The following NBAS variants were observed in gnomAD, a reference collection of about 807,000 sequenced individuals.
The protein encoded by NBAS is NAG/BC035112 fusion.
Under a neutral mutation model 302.5 loss-of-function variants are expected in NBAS, and 219 were observed. The ratio of observed to expected loss-of-function variants is 0.72; its 90% CI spans 0.65 to 0.81. NBAS has a LOEUF of 0.81. Ranked by LOEUF, NBAS falls within the 30% of genes least tolerant of loss-of-function variation. The pLI, the probability that NBAS is intolerant of heterozygous loss-of-function variation, is 0.00. For missense variants in NBAS, 2,932 were observed against 2,841.6 expected, an observed-to-expected ratio of 1.03 and a Z score of -0.72; for synonymous variants, 1,118 against 1,021.6, an observed-to-expected ratio of 1.09 and a Z score of -1.80.
chr2:14,819,252 T>C, the NBAS span, among the ~76,000 whole-genome samples: 4 of 152,212 alleles, frequency 2.6e-5, no homozygotes, highest in African/African-American at 9.6e-5. Context: ...CTTTTGTAGG[T>C]AGATCCCATG....
the NBAS span, among the ~76,000 whole-genome samples, chr2:14,934,177 C>T: frequency 6.6e-6 from 1 of 152,016 alleles, no homozygotes; most frequent in South Asian, 2.1e-4. Flanking sequence ...AATGTAAAGT[C>T]CACCCCATTT....
chr2:15,492,996 T>A (rs1023237232), intron 11 of NBAS, among the ~76,000 whole-genome samples: 2 of 152,208 alleles, frequency 1.3e-5, no homozygotes, highest in Non-Finnish European at 2.9e-5. Context: ...AATCCCCATG[T>A]GTCAGGGGAG....
intron 51 of NBAS, among the ~76,000 whole-genome samples, chr2:15,176,865 T>C (rs1664566176): frequency 6.6e-6 from 1 of 152,202 alleles, no homozygotes; most frequent in African/African-American, 2.4e-5. Flanking sequence ...CTATATCATT[T>C]CTTACAACTG....
At chr2:15,440,391 G>T (rs777670591) in intron 21 of NBAS, among the ~76,000 whole-genome samples, 2 of 152,174 alleles carry the variant, frequency 1.3e-5, no homozygotes, top group Non-Finnish European at 1.5e-5. Flanking sequence ...TGATACCCAG[G>T]CAAACAGGGT....
At chr2:15,536,700 G>A (rs1663536830) in intron 7 of NBAS, 149 bp from the exon 8 acceptor site, 1 of 790,796 alleles carries the variant, frequency 1.3e-6, no homozygotes, top group Non-Finnish European at 2.0e-6. Context: ...CAAGAATCAT[G>A]CAAGTCAGAA....
intron 27 of NBAS, among the ~76,000 whole-genome samples, chr2:15,396,144 A>G (rs1675853808): frequency 6.6e-6 from 1 of 152,174 alleles, no homozygotes; most frequent in Admixed American, 6.5e-5. Context: ...TATTATACAT[A>G]AGAAAACCCT....
At chr2:15,046,534 G>T in the NBAS span, among the ~76,000 whole-genome samples, 2 of 152,266 alleles carry the variant, frequency 1.3e-5, no homozygotes, top group African/African-American at 4.8e-5. Context: ...AAGAAGGACA[G>T]AAAACTCCCT....
intron 36 of NBAS, among the ~76,000 whole-genome samples, chr2:15,329,052 C>A (rs1472199410): frequency 6.6e-6 from 1 of 152,164 alleles, no homozygotes; most frequent in Non-Finnish European, 1.5e-5. Context: ...TTGTTACCAG[C>A]ACTGCAGAGT....
chr2:14,977,292 G>GAAA, the NBAS span, among the ~76,000 whole-genome samples: 1,490 of 152,076 alleles, frequency 9.8e-3, 38 homozygotes, highest in East Asian at 0.097. Flanking sequence ...AGAATTTAAA[G>GAAA]AAAAAGAAAC....
intron 31 of NBAS, 141 bp from the exon 32 acceptor site, chr2:15,366,834 C>T (rs1674233622): frequency 1.3e-6 from 1 of 743,620 alleles, no homozygotes; most frequent in African/African-American, 1.8e-5. Context: ...AAGTAAAAGG[C>T]ACGTTTAACA....
chr2:15,039,262 G>A, the NBAS span, among the ~76,000 whole-genome samples: 2 of 152,120 alleles, frequency 1.3e-5, no homozygotes, highest in Admixed American at 6.6e-5. Flanking sequence ...GCGTTGCTGC[G>A]GTTGCACACT....
intron 44 of NBAS, among the ~76,000 whole-genome samples, chr2:15,272,584 G>GA (rs1180150149): frequency 6.6e-6 from 1 of 152,124 alleles, no homozygotes; most frequent in Non-Finnish European, 1.5e-5. Context: ...ATTAATATGA[G>GA]AAAAAATGTT....
At chr2:15,239,703 C>CATAT (rs10666715) in intron 44 of NBAS, among the ~76,000 whole-genome samples, 13 of 151,030 alleles carry the variant, frequency 8.6e-5, no homozygotes, top group Admixed American at 4.0e-4. Context: ...TATGCATATA[C>CATAT]ATATATATAT....
At chr2:15,143,662 A>AT in the NBAS span, among the ~76,000 whole-genome samples, 1 of 152,084 alleles carries the variant, frequency 6.6e-6, no homozygotes, top group Admixed American at 6.5e-5. Context: ...ATGGTTAATA[A>AT]TGAGTGTCAA....
At chr2:15,226,990 A>C (rs983191859) in intron 47 of NBAS, among the ~76,000 whole-genome samples, 2 of 152,180 alleles carry the variant, frequency 1.3e-5, no homozygotes, top group African/African-American at 4.8e-5. Flanking sequence ...GTCTTGTTCC[A>C]AACCTTGGAG....
the NBAS span, among the ~76,000 whole-genome samples, chr2:15,110,637 C>A: frequency 6.6e-6 from 1 of 152,042 alleles, no homozygotes; most frequent in African/African-American, 2.4e-5. Flanking sequence ...AGAGGATATC[C>A]CTCTCATGCA....
intron 44 of NBAS, among the ~76,000 whole-genome samples, chr2:15,253,443 T>C (rs1393192880): frequency 1.3e-5 from 2 of 152,136 alleles, no homozygotes; most frequent in East Asian, 3.8e-4. Flanking sequence ...CAAAGGGTGC[T>C]GGGGCCACTG....
chr2:15,508,859 C>T (rs1327150361), intron 10 of NBAS, among the ~76,000 whole-genome samples: 5 of 151,962 alleles, frequency 3.3e-5, no homozygotes, highest in African/African-American at 1.2e-4. Flanking sequence ...AAAAATTAGC[C>T]GGGCATGATG....
intron 44 of NBAS, among the ~76,000 whole-genome samples, chr2:15,273,899 C>A (rs1297906820): frequency 2.0e-5 from 3 of 151,386 alleles, no homozygotes; most frequent in Non-Finnish European, 2.9e-5. Flanking sequence ...CATGGTGAAA[C>A]CTCATCTCTA....
Sources: gnomAD v4.1 joint callset for allele counts (sites outside exome capture counted in the v4.1 genomes callset) on GRCh38, gnomAD v4.1.1 for gene constraint, MANE v1.5 for transcripts, NCBI Gene and HGNC (gene_info 2026-07-23, HGNC 2026-07-21) for gene names.